BID: variants seen among roughly 807,000 people sequenced by gnomAD.
BID encodes BH3-interacting domain death agonist.
In BID, 19 loss-of-function variants were observed where a neutral mutation model predicts 17.4. The ratio of observed to expected loss-of-function variants is 1.09; its 90% CI spans 0.76 to 1.60. The LOEUF (loss-of-function observed/expected upper bound fraction) is 1.60. BID is among the 40% of genes most tolerant of loss of function. BID has a pLI of 0.00. For synonymous variants in BID, 108 were observed against 102.8 expected, an observed-to-expected ratio of 1.05 and a Z score of -0.31; for missense variants, 226 against 256.0, an observed-to-expected ratio of 0.88 and a Z score of 0.80.
In BID at chr22:17,774,461, T is replaced by C; in HGVS notation, c.-139A>G. 3.4e-6 allele frequency: 1 copy of C among 293,870 alleles called. No individual in the cohort carries two copies. Among genetic ancestry groups the C allele is most frequent in the South Asian group, 2.6e-5 (1 of 37,880 alleles). 18.2% of individuals were successfully genotyped at this position (293,870 alleles called of 1,614,324 possible). On this transcript the variant is annotated 5_prime_UTR_variant, in exon 1 of 6. Coordinates refer to ENST00000622694, the MANE Select transcript of BID (RefSeq NM_001196.4). ...CGCGCGGACACGGTCGACTACCCGC[T>C]TCCTCCTTATGGCGCCCCGCGCGCT...
intron 3 of BID, chr22:17,740,132 C>T: frequency 1.9e-6 from 3 of 1,612,384 alleles, no homozygotes; most frequent in Non-Finnish European, 2.5e-6. Context: ...CTCCCTGCCG[C>T]CTCCGTTTCT....
rs567636741 is a variant in BID at position 17,753,549 on chromosome 22, T to A, written c.-58-3375A>T. Among the ~76,000 whole-genome samples, 208 of 152,332 alleles carry A rather than the reference T, an allele frequency of 1.4e-3. 3 individuals carry two copies. Among genetic ancestry groups the A allele is most frequent in the Non-Finnish European group, 1.7e-3 (113 of 68,024 alleles). On this transcript the variant is annotated intron_variant, in intron 1 of 5. Transcript: ENST00000622694. ...GCATCGGGTAACCTCTGGCTTCATT[T>A]GTCACTTAAGAAGAAATCCAATGAG...
chr22:17,771,197 T>C (rs1218517619), intron 1 of BID, among the ~76,000 whole-genome samples: 1 of 152,174 alleles, frequency 6.6e-6, no homozygotes, highest in Non-Finnish European at 1.5e-5. Context: ...CCTCCCGGGT[T>C]CACACCATTC....
In BID at chr22:17,739,407, G is replaced by A. The variant is rs775453548; in HGVS notation, c.305C>T (p.Pro102Leu). 7 of 1,611,160 alleles carry A rather than the reference G, an allele frequency of 4.3e-6. No individual in the cohort carries two copies. In the South Asian group the frequency reaches 6.6e-5, roughly 15 times the overall value. The change falls in exon 4 of 6, where the codon CCT (proline) becomes CTT (leucine). Residue 102 changes from proline to leucine, a missense_variant. Coordinates refer to ENST00000622694, the MANE Select transcript of BID (RefSeq NM_001196.4). The part of the protein sequence containing the change: ...QVGDSMDRSI[P>L]PGLVNGLALQ... ...GGCCAGGCCGTTCACCAGGCCCGGAGGGATGCTACGGTCCATGCTGTCCCC... is the reference window on the plus strand; with the variant it reads ...GGCCAGGCCGTTCACCAGGCCCGGAAGGATGCTACGGTCCATGCTGTCCCC...
At chr22:17,750,297 C>G in intron 1 of BID, 123 bp from the exon 2 acceptor site, 1 of 778,282 alleles carries the variant, frequency 1.3e-6, no homozygotes, top group Non-Finnish European at 2.1e-6. Flanking sequence ...CTGGCCTGAG[C>G]CCCGCATCCT....
In BID at chr22:17,751,567, C is replaced by CA. The variant is rs547070118; in HGVS notation, c.-58-1394_-58-1393insT. On this transcript the variant is annotated intron_variant, in intron 1 of 5. Transcript: ENST00000622694. Reference sequence around the variant, plus strand: ...AAGCATTGGCAATTTCACATGGTTCCTGAATACATAGGAAATAAAAAGCAA... The same window carrying CA: ...AAGCATTGGCAATTTCACATGGTTCCATGAATACATAGGAAATAAAAAGCAA... Among the ~76,000 whole-genome samples, 48 of 152,210 alleles carry CA rather than the reference C, an allele frequency of 3.2e-4. 3 individuals carry two copies. In the South Asian group the frequency reaches 9.3e-3, roughly 30 times the overall value.
intron 1 of BID, among the ~76,000 whole-genome samples, chr22:17,760,613 A>G (rs1320865796): frequency 6.6e-6 from 1 of 152,076 alleles, no homozygotes; most frequent in Non-Finnish European, 1.5e-5. Context: ...AACCACCACA[A>G]TTCAGTTCCC....
rs1013527275 is a variant in BID, at chr22:17,769,447, T to A, written c.-59+4934A>T. On this transcript the variant is annotated intron_variant, in intron 1 of 5. Transcript: ENST00000622694. The surrounding 1 kb of genome is among the most constrained non-coding windows in gnomAD (Gnocchi z 4.8). ...CCAGGTTTCTCACAGCCAGGCCCCA[T>A]CTCTCCCTGCCTGGATTTCAGGGGA... is the stretch of plus-strand genomic sequence containing the variant. Among the ~76,000 whole-genome samples the A allele has an allele frequency of 6.6e-6, 1 of 152,124 alleles. No homozygotes were observed. The highest frequency in any genetic ancestry group is 2.4e-5 in the African/African-American group (1 of 41,414).
At chr22:17,743,780 A>G (rs1206941521) in intron 3 of BID, 23 bp downstream of exon 3, 11 of 1,593,810 alleles carry the variant, frequency 6.9e-6, no homozygotes, top group Non-Finnish European at 9.4e-6. Context: ...GCTTTGGGGA[A>G]GGAGGTGGGG....
Position 17,738,019 on chromosome 22 carries a change from T to A in BID, c.574A>T (p.Asn192Tyr). The change falls in exon 5 of 6, where the codon AAT (asparagine) becomes TAT (tyrosine). Residue 192 changes from asparagine to tyrosine, a missense_variant and splice_region_variant. By Grantham distance (143) the Asn-to-Tyr change is moderately radical. Transcript: ENST00000622694. ...GAGCTGACCTCAAGGGTTCTTACATTTCTGGCTAAGCTCCTCACGTAGGTG... is the reference window on the plus strand; with the variant it reads ...GAGCTGACCTCAAGGGTTCTTACATATCTGGCTAAGCTCCTCACGTAGGTG... Reference protein sequence around the residue: ...LRTYVRSLARNGMD With the variant: ...LRTYVRSLARYGMD The A allele has an allele frequency of 6.2e-7, 1 of 1,614,032 alleles. No homozygotes were observed. Among genetic ancestry groups the A allele is most frequent in the African/African-American group, 1.3e-5 (1 of 75,042 alleles).
At chr22:17,772,204 C>G (rs1248377018) in intron 1 of BID, among the ~76,000 whole-genome samples, 2 of 152,228 alleles carry the variant, frequency 1.3e-5, no homozygotes, top group Non-Finnish European at 2.9e-5. Flanking sequence ...TGTGCTTCAG[C>G]TCCATCAGTG....
chr22:17,750,994 C>T (rs530251730), intron 1 of BID, among the ~76,000 whole-genome samples: 2 of 152,080 alleles, frequency 1.3e-5, no homozygotes, highest in East Asian at 3.9e-4. Context: ...GGAGATTGCA[C>T]CACTGCACTC....
chr22:17,763,246 T>C (rs1373785278), intron 1 of BID, among the ~76,000 whole-genome samples: 1 of 115,800 alleles, frequency 8.6e-6, no homozygotes, highest in Non-Finnish European at 1.7e-5. Context: ...GTATTAATTA[T>C]AACTTTTTTT....
intron 1 of BID, among the ~76,000 whole-genome samples, chr22:17,770,759 A>C (rs889500616): frequency 3.9e-5 from 6 of 152,234 alleles, no homozygotes; most frequent in Non-Finnish European, 7.3e-5. Context: ...CTTCCTCTGA[A>C]GAAAGGGGGT....
rs375318615 is a variant in BID at position 17,773,589 on chromosome 22, C to T, written c.-59+792G>A. 2 of 1,611,924 alleles carry T rather than the reference C, an allele frequency of 1.2e-6. No homozygotes were observed. The highest frequency in any genetic ancestry group is 1.7e-5 in the Admixed American group (1 of 60,022). ...TGAAGGCCGGTCCAGCCGCAGAAGG[C>T]CCAGCCCCCAGCCCACTTACAGAAT... On this transcript the variant is annotated intron_variant, in intron 1 of 5. Transcript: ENST00000622694. This position sits in a 1 kb window ranked among gnomAD's most constrained non-coding sequence, Gnocchi z 4.4.
In BID at chr22:17,739,394, C is replaced by G; in HGVS notation, c.318G>C (p.Val106=). 6.2e-7 allele frequency: 1 copy of G among 1,608,498 alleles called. No homozygotes were observed. The highest frequency in any genetic ancestry group is 8.5e-7 in the Non-Finnish European group (1 of 1,178,446). ...SMDRSIPPGL[V]NGLALQLRNT... is the part of the protein sequence containing the mutation. ...TCCTGAGCTGCAGGGCCAGGCCGTTCACCAGGCCCGGAGGGATGCTACGGT... is the reference window on the plus strand; with the variant it reads ...TCCTGAGCTGCAGGGCCAGGCCGTTGACCAGGCCCGGAGGGATGCTACGGT... Residue 106 remains valine, a synonymous_variant, in exon 4 of 6, where the codon GTG becomes GTC. Coordinates refer to ENST00000622694, the MANE Select transcript of BID (RefSeq NM_001196.4).
rs1307943960 is a variant in BID, at chr22:17,736,918, C to T, written c.576+1099G>A. ...ACCAGGGTTCAAGCGATTCTCCTGC[C>T]TTAGCCTCCTGAGTAGCTGGGATTA... is the stretch of plus-strand genomic sequence containing the variant. On this transcript the variant is annotated intron_variant, in intron 5 of 5. Coordinates refer to ENST00000622694, the MANE Select transcript of BID (RefSeq NM_001196.4). Among the ~76,000 whole-genome samples the T allele has an allele frequency of 2.0e-5, 3 of 152,142 alleles. No individual in the cohort carries two copies. In the East Asian group the frequency reaches 5.8e-4, roughly 29 times the overall value.
In BID at chr22:17,738,093, A is replaced by T; in HGVS notation, c.500T>A (p.Leu167His). 1.2e-6 allele frequency: 2 copies of T among 1,614,190 alleles called. No individual in the cohort carries two copies. The highest frequency in any genetic ancestry group is 1.7e-6 in the Non-Finnish European group (2 of 1,180,044). ...KKVASHTPSL[L>H]RDVFHTTVNF... Reference sequence around the variant, plus strand: ...CACTGTTGTGTGAAAGACATCACGGAGCAAGGACGGCGTGTGACTGGCCAC... The same window carrying T: ...CACTGTTGTGTGAAAGACATCACGGTGCAAGGACGGCGTGTGACTGGCCAC... Residue 167 changes from leucine to histidine, a missense_variant, in exon 5 of 6, where the codon CTC becomes CAC. Transcript: ENST00000622694.
In BID at chr22:17,761,437, T is replaced by C. The variant is rs2061637865; in HGVS notation, c.-58-11263A>G. Among the ~76,000 whole-genome samples, 3 of 150,080 alleles carry C rather than the reference T, an allele frequency of 2.0e-5. No homozygotes were observed. In the South Asian group the frequency reaches 6.4e-4, roughly 32 times the overall value. Reference sequence around the variant, plus strand: ...GAAAGAATAATCTTTCACTTTTTTTTTTTTTTTTTTTTGAGATGAAGTCTC... The same window carrying C: ...GAAAGAATAATCTTTCACTTTTTTTCTTTTTTTTTTTTGAGATGAAGTCTC... On this transcript the variant is annotated intron_variant, in intron 1 of 5. Coordinates refer to ENST00000622694, the MANE Select transcript of BID (RefSeq NM_001196.4).
Sources: allele counts gnomAD v4.1 joint callset (sites outside exome capture counted in the v4.1 genomes callset), GRCh38; gene constraint gnomAD v4.1.1; non-coding constraint Gnocchi (gnomAD v3.1); transcripts MANE v1.5; gene names NCBI Gene and HGNC (gene_info 2026-07-23, HGNC 2026-07-21).